Variants in NKAIN2 observed in about 807,000 individuals in gnomAD.
The protein encoded by NKAIN2 is sodium/potassium transporting ATPase interacting 2.
NKAIN2 carries 14 observed loss-of-function variants against 32.6 expected under a neutral mutation model. That is an observed-to-expected ratio of 0.43 (90% CI 0.28 to 0.67). The LOEUF (loss-of-function observed/expected upper bound fraction) is 0.67. Among genes scored for constraint, NKAIN2 ranks in the 30% least tolerant of loss-of-function variants. The probability of loss-of-function intolerance (pLI) is 0.17; values close to 1 mark genes in which losing one functional copy is unlikely to be tolerated. For missense variants in NKAIN2, 198 were observed against 258.3 expected (o/e 0.77, Z 1.60); for synonymous variants, 80 against 87.2 (o/e 0.92, Z 0.46).
chr6:124,273,532 C>A (rs77469913), intron 1 of NKAIN2, among the ~76,000 whole-genome samples: 2,770 of 152,246 alleles, frequency 0.018, 79 homozygotes, highest in African/African-American at 0.064. Flanking sequence ...TGGACTAATA[C>A]ACCATTTCAG....
chr6:123,998,314 G>A (rs1222734684), intron 1 of NKAIN2, among the ~76,000 whole-genome samples: 1 of 152,014 alleles, frequency 6.6e-6, no homozygotes, highest in African/African-American at 2.4e-5. Context: ...ACTGTGTATT[G>A]CTATTGAGAA....
In NKAIN2 at chr6:123,964,143, T is replaced by C. The variant is rs148805103; in HGVS notation, c.54+159889T>C. 4.6e-5 allele frequency among the ~76,000 whole-genome samples: 7 copies of C among 152,306 alleles called. No individual in the cohort carries two copies. The East Asian group carries it at 1.4e-3, about 29-fold the overall frequency. ...TGTTTTATGGTGTGATTTCCAGGAA[T>C]GCATTGTGGTGTGAAGTAGAAATTA... On this transcript the variant is annotated intron_variant, in intron 1 of 6. Transcript: ENST00000368417. The surrounding 1 kb of genome is among the most constrained non-coding windows in gnomAD (Gnocchi z 4.0).
At chr6:124,503,774 C>T (rs1484342696) in intron 3 of NKAIN2, among the ~76,000 whole-genome samples, 3 of 152,040 alleles carry the variant, frequency 2.0e-5, no homozygotes, top group African/African-American at 7.2e-5. Context: ...ATAGTCTAAG[C>T]CTTGGAAATT....
intron 1 of NKAIN2, among the ~76,000 whole-genome samples, chr6:124,232,727 C>G (rs1792524087): frequency 6.7e-6 from 1 of 149,144 alleles, no homozygotes; most frequent in South Asian, 2.2e-4. Context: ...TTTGCCATCA[C>G]TGGCAAAATG....
intron 4 of NKAIN2, among the ~76,000 whole-genome samples, chr6:124,700,644 C>T (rs200756095): frequency 6.6e-6 from 1 of 152,032 alleles, no homozygotes; most frequent in African/African-American, 2.4e-5. Context: ...AGTTACTAGC[C>T]AGCTCACTGA....
chr6:124,703,615 C>CT (rs1229343516), intron 4 of NKAIN2, among the ~76,000 whole-genome samples: 2 of 152,022 alleles, frequency 1.3e-5, no homozygotes, highest in African/African-American at 4.8e-5. Flanking sequence ...ACTGGAAGCT[C>CT]TGACAAGTGT....
intron 2 of NKAIN2, among the ~76,000 whole-genome samples, chr6:124,344,783 G>A (rs1423605208): frequency 1.3e-5 from 2 of 152,156 alleles, no homozygotes; most frequent in Admixed American, 6.5e-5. Context: ...TGCAAACAGG[G>A]ACAATTTGAC....
intron 1 of NKAIN2, among the ~76,000 whole-genome samples, chr6:124,238,204 G>A (rs533968202): frequency 1.3e-4 from 20 of 152,128 alleles, no homozygotes; most frequent in Non-Finnish European, 2.4e-4. Flanking sequence ...CAGGAATAGC[G>A]AAAAGGGAAT....
At chr6:124,178,225 T>G (rs538688388) in intron 1 of NKAIN2, among the ~76,000 whole-genome samples, 96 of 152,316 alleles carry the variant, frequency 6.3e-4, no homozygotes, top group African/African-American at 2.2e-3. Context: ...GAGAAATACA[T>G]TTCTGTTGTT....
chr6:124,665,766 C>A (rs367685444), intron 4 of NKAIN2, among the ~76,000 whole-genome samples: 36 of 152,284 alleles, frequency 2.4e-4, no homozygotes, highest in African/African-American at 8.7e-4. Flanking sequence ...GCTCTGATTG[C>A]TCCATTGACT....
chr6:124,533,392 A>G (rs1383805053), intron 3 of NKAIN2, among the ~76,000 whole-genome samples: 5 of 136,290 alleles, frequency 3.7e-5, no homozygotes, highest in Non-Finnish European at 6.1e-5. Context: ...GAATGGCGTG[A>G]ACCCGGGAGG....
intron 3 of NKAIN2, among the ~76,000 whole-genome samples, chr6:124,603,156 A>G: frequency 6.6e-6 from 1 of 152,102 alleles, no homozygotes; most frequent in Non-Finnish European, 1.5e-5. Flanking sequence ...AAAAAACATA[A>G]AAACAAAATG....
At chr6:123,831,711 A>G (rs910110727) in intron 1 of NKAIN2, among the ~76,000 whole-genome samples, 4 of 147,308 alleles carry the variant, frequency 2.7e-5, no homozygotes, top group African/African-American at 1.0e-4. Context: ...GCTGGAGTGC[A>G]GTGGCATGAT....
At chr6:124,476,071 T>A (rs373248172) in intron 3 of NKAIN2, among the ~76,000 whole-genome samples, 3,183 of 95,378 alleles carry the variant, frequency 0.033, 52 homozygotes, top group Middle Eastern at 0.13. Context: ...AGAGAGTGTG[T>A]GTGTGTGTGT....
intron 1 of NKAIN2, among the ~76,000 whole-genome samples, chr6:123,996,579 C>A (rs547419483): frequency 4.6e-5 from 7 of 152,080 alleles, no homozygotes; most frequent in African/African-American, 1.4e-4. Flanking sequence ...TAAAGAATTT[C>A]AAATTAACTA....
intron 4 of NKAIN2, among the ~76,000 whole-genome samples, chr6:124,744,618 A>G (rs1180154665): frequency 6.6e-6 from 1 of 151,774 alleles, no homozygotes; most frequent in Non-Finnish European, 1.5e-5. Flanking sequence ...ATAATCTAAA[A>G]TTTAGTTCCC....
At chr6:124,360,372 A>G (rs1562513464) in intron 3 of NKAIN2, among the ~76,000 whole-genome samples, 1 of 152,126 alleles carries the variant, frequency 6.6e-6, no homozygotes, top group Non-Finnish European at 1.5e-5. Context: ...CCATATGCTT[A>G]TGAGTGAAAC....
chr6:124,391,204 A>G (rs1773127809), intron 3 of NKAIN2, among the ~76,000 whole-genome samples: 1 of 152,126 alleles, frequency 6.6e-6, no homozygotes. Flanking sequence ...GTATCAGGTA[A>G]AGCTCCAAGT....
At chr6:124,669,925 GTCC>G (rs1773014595) in intron 4 of NKAIN2, among the ~76,000 whole-genome samples, 1 of 151,854 alleles carries the variant, frequency 6.6e-6, no homozygotes, top group African/African-American at 2.4e-5. Context: ...TCCCCTTTCT[GTCC>G]TCCTCTCCAT....
Sources: allele counts gnomAD v4.1 joint callset (sites outside exome capture counted in the v4.1 genomes callset), GRCh38; gene constraint gnomAD v4.1.1; non-coding constraint Gnocchi (gnomAD v3.1); transcripts MANE v1.5; gene names NCBI Gene and HGNC (gene_info 2026-07-23, HGNC 2026-07-21).